Variants in PRKACA observed in about 807,000 individuals in gnomAD.
The protein encoded by PRKACA is cAMP-dependent protein kinase catalytic subunit alpha.
A neutral mutation model predicts 45.8 loss-of-function variants in PRKACA; 9 were observed. The ratio of observed to expected loss-of-function variants is 0.20; its 90% CI spans 0.12 to 0.34. PRKACA has a LOEUF of 0.34. Ranked by LOEUF, PRKACA falls within the 10% of genes least tolerant of loss-of-function variation. The probability of loss-of-function intolerance (pLI) is 1.00; values close to 1 mark genes in which losing one functional copy is unlikely to be tolerated. For synonymous variants in PRKACA, 160 were observed against 178.6 expected (o/e 0.90, Z 0.83); for missense variants, 238 against 458.6 (o/e 0.52, Z 4.39).
Position 14,093,246 on chromosome 19 carries a change from G to A in PRKACA, c.931-9C>T, listed in dbSNP as rs777613462. 17 of 1,609,638 alleles carry A rather than the reference G, an allele frequency of 1.1e-5. No homozygotes were observed. The highest frequency in any genetic ancestry group is 1.4e-5 in the Non-Finnish European group (16 of 1,178,430). ...ATGAAGGGAGCTTCCACCTGGAGAG[G>A]GATCAAGAATCACCCAGACCTCAGC... On this transcript the variant is annotated splice_polypyrimidine_tract_variant and intron_variant, in intron 9 of 9. Coordinates refer to ENST00000308677, the MANE Select transcript of PRKACA (RefSeq NM_002730.4).
rs564567292 is a variant in PRKACA at position 14,114,701 on chromosome 19, C to T, written c.46+2801G>A. 3.3e-5 allele frequency among the ~76,000 whole-genome samples: 5 copies of T among 152,298 alleles called. No homozygotes were observed. The South Asian group carries it at 1.0e-3, about 32-fold the overall frequency. On this transcript the variant is annotated intron_variant, in intron 1 of 9. Coordinates refer to ENST00000308677, the MANE Select transcript of PRKACA (RefSeq NM_002730.4). ...CGCTGCTCCCTCTCCATTCTTCCAA[C>T]TTGGCCAGAGCCTGGGCCTTAGTCT...
chr19:14,093,742 G>A lies in PRKACA; in HGVS notation c.816C>T (p.Asn272=). Residue 272 remains asparagine (N), a synonymous_variant, in exon 9 of 10, where the codon AAC becomes AAT. Transcript: ENST00000308677. ...FSSDLKDLLR[N]LLQVDLTKRF... ...GCTTGGTGAGATCTACCTGCAGGAGGTTCCGCAGCAGGTCCTTCAAGTCAG... is the reference window on the plus strand; with the variant it reads ...GCTTGGTGAGATCTACCTGCAGGAGATTCCGCAGCAGGTCCTTCAAGTCAG... The A allele has an allele frequency of 6.2e-7, 1 of 1,614,076 alleles. No homozygotes were observed. Among genetic ancestry groups the A allele is most frequent in the Middle Eastern group, 1.6e-4 (1 of 6,062 alleles).
chr19:14,100,128 C>A (rs1405995414), intron 5 of PRKACA, among the ~76,000 whole-genome samples: 4 of 151,786 alleles, frequency 2.6e-5, no homozygotes, highest in Admixed American at 1.3e-4. Flanking sequence ...CAGGCACGAG[C>A]CACTGCGCCC....
At position 14,100,902 on chromosome 19, in the gene PRKACA, A is replaced by C; in HGVS notation, c.343T>G (p.Ser115Ala). 2 of 1,613,868 alleles carry C rather than the reference A, an allele frequency of 1.2e-6. No homozygotes were observed. Among genetic ancestry groups the C allele is most frequent in the Non-Finnish European group, 1.7e-6 (2 of 1,179,826 alleles). ...TACTCCATGACCATGTATAAGTTTG[A>C]GTTGTCCTGTGGGAAGCAGTGGCTG... ...VKLEFSFKDNSNLYMVMEYVP... is the reference protein window; with the variant it reads ...VKLEFSFKDNANLYMVMEYVP... The change falls in exon 5 of 10, where the codon TCA (serine) becomes GCA (alanine). Residue 115 changes from serine (S) to alanine (A), a missense_variant. Ser to Ala is a moderately conservative substitution (Grantham distance 99). Around this residue, in one of 3 missense-constraint regions of PRKACA, gnomAD observed 93 missense variants for 149.1 expected, o/e 0.62. Coordinates refer to ENST00000308677, the MANE Select transcript of PRKACA (RefSeq NM_002730.4).
chr19:14,098,509 T>C (rs1381836225), intron 5 of PRKACA: 1 of 151,544 alleles, frequency 6.6e-6, no homozygotes, highest in African/African-American at 2.4e-5. Context: ...ATTAATTTAT[T>C]TTTTTTAAGA....
At chr19:14,108,554 C>A (rs537185616) in intron 1 of PRKACA, among the ~76,000 whole-genome samples, 5 of 151,672 alleles carry the variant, frequency 3.3e-5, no homozygotes, top group African/African-American at 1.2e-4. Flanking sequence ...ACTACAGACG[C>A]CTGCCACCAC....
Position 14,097,204 on chromosome 19 carries a change from G to C in PRKACA, c.765+157C>G. 8.7e-7 allele frequency: 1 copy of C among 1,143,152 alleles called. No homozygotes were observed. Among genetic ancestry groups the C allele is most frequent in the Non-Finnish European group, 1.3e-6 (1 of 794,188 alleles). The allele number at this position is 1,143,152 out of a possible 1,614,324, so 70.8% of individuals were successfully genotyped here. ...GACAGCAAGGGGGCTTGAGGTGTTGGCCTCAGTGTGGCCGGCGCGTCCAGC... is the reference window on the plus strand; with the variant it reads ...GACAGCAAGGGGGCTTGAGGTGTTGCCCTCAGTGTGGCCGGCGCGTCCAGC... On this transcript the variant is annotated intron_variant, in intron 8 of 9. Transcript: ENST00000308677. The surrounding 1 kb of genome is among the most constrained non-coding windows in gnomAD (Gnocchi z 5.4).
chr19:14,115,354 G>A (rs1389786111), intron 1 of PRKACA, among the ~76,000 whole-genome samples: 2 of 152,202 alleles, frequency 1.3e-5, no homozygotes, highest in African/African-American at 4.8e-5. Flanking sequence ...AAGAAAATAT[G>A]ATAGAGTAAA....
intron 1 of PRKACA, chr19:14,114,177 C>G: frequency 3.1e-6 from 5 of 1,609,530 alleles, no homozygotes; most frequent in Non-Finnish European, 3.4e-6. Context: ...GTTCTCAGGG[C>G]ACCGGCACTA....
chr19:14,097,177 T>C lies in PRKACA; in HGVS notation c.765+184A>G. 1.1e-6 allele frequency: 1 copy of C among 885,278 alleles called. No individual in the cohort carries two copies. The allele number at this position is 885,278 out of a possible 1,614,324, so 54.8% of individuals were successfully genotyped here. A position where few individuals can be genotyped will look rare whatever the true frequency, so the allele number is the denominator to read the frequency against. On this transcript the variant is annotated intron_variant, in intron 8 of 9. Transcript: ENST00000308677. This position sits in a 1 kb window ranked among gnomAD's most constrained non-coding sequence, Gnocchi z 5.4. ...GATTCTGGAACCGCGGGGTTGGGGCTGGACAGCAAGGGGGCTTGAGGTGTT... is the reference window on the plus strand; with the variant it reads ...GATTCTGGAACCGCGGGGTTGGGGCCGGACAGCAAGGGGGCTTGAGGTGTT...
intron 1 of PRKACA, chr19:14,107,769 T>C (rs1381980352): frequency 2.9e-6 from 3 of 1,030,118 alleles, no homozygotes; most frequent in Non-Finnish European, 3.5e-6. Flanking sequence ...GGGATTTGGC[T>C]GTTCCTCTGG....
intron 1 of PRKACA, chr19:14,108,104 G>C (rs903625338): frequency 3.0e-6 from 3 of 985,376 alleles, no homozygotes; most frequent in Non-Finnish European, 3.6e-6. Context: ...TAACAACCCA[G>C]GAAACAGGCT....
Position 14,117,504 on chromosome 19 carries a change from C to A in PRKACA, c.44G>T (p.Ser15Ile). The A allele has an allele frequency of 8.1e-7, 1 of 1,240,520 alleles. No individual in the cohort carries two copies. Among genetic ancestry groups the A allele is most frequent in the Non-Finnish European group, 1.0e-6 (1 of 987,380 alleles). 76.8% of individuals were successfully genotyped at this position (1,240,520 alleles called of 1,614,324 possible). A position where few individuals can be genotyped will look rare whatever the true frequency, so the allele number is the denominator to read the frequency against. ...GGGGTCACAGCCCGGGCACTCACCG[C>A]TCTCCTGCTCGCTGCCCTTCTTGGC... is the stretch of plus-strand genomic sequence containing the variant. ...AAAKKGSEQESVKEFLAKAKE... is the reference protein window; with the variant it reads ...AAAKKGSEQEIVKEFLAKAKE... Residue 15 changes from serine (S) to isoleucine (I), a missense_variant and splice_region_variant, in exon 1 of 10, where the codon AGC (serine) becomes ATC (isoleucine). By Grantham distance (142) the Ser-to-Ile change is moderately radical. Around this residue, in one of 3 missense-constraint regions of PRKACA, gnomAD observed 93 missense variants for 149.1 expected, o/e 0.62. Coordinates refer to ENST00000308677, the MANE Select transcript of PRKACA (RefSeq NM_002730.4).
chr19:14,110,195 G>A (rs906137482), intron 1 of PRKACA, among the ~76,000 whole-genome samples: 2 of 151,180 alleles, frequency 1.3e-5, no homozygotes, highest in African/African-American at 2.4e-5. Flanking sequence ...GCCCATGCCC[G>A]CAGTTTCAGC....
intron 1 of PRKACA, among the ~76,000 whole-genome samples, chr19:14,109,644 A>T (rs1977714859): frequency 6.7e-6 from 1 of 149,288 alleles, no homozygotes; most frequent in Non-Finnish European, 1.5e-5. Flanking sequence ...AAGAAAAGAA[A>T]ATATGGGGAG....
intron 1 of PRKACA, among the ~76,000 whole-genome samples, chr19:14,111,834 G>A (rs182662708): frequency 6.6e-6 from 1 of 152,288 alleles, no homozygotes; most frequent in East Asian, 1.9e-4. Context: ...GGTGGAGGGT[G>A]CCCTCTTGGG....
chr19:14,112,996 C>T (rs1185526871), intron 1 of PRKACA, among the ~76,000 whole-genome samples: 3 of 152,218 alleles, frequency 2.0e-5, no homozygotes, highest in Admixed American at 6.5e-5. Flanking sequence ...ACCCTGCCTC[C>T]TCCCCTGAAC....
intron 1 of PRKACA, among the ~76,000 whole-genome samples, chr19:14,113,467 A>G (rs1967029028): frequency 6.6e-6 from 1 of 151,966 alleles, no homozygotes; most frequent in South Asian, 2.1e-4. Context: ...ACTCCTTGAC[A>G]CCCCTTGAAA....
rs1455126829 is a variant in PRKACA, at chr19:14,097,585, C to T, written c.636G>A (p.Leu212=). The part of the protein sequence containing the change: ...TPEYLAPEII[L]SKGYNKAVDW... ...GGGCTGGGGAGGCTCCTACTTTGCTCAGGATAATCTCAGGGGCCAGGTACT... is the reference window on the plus strand; with the variant it reads ...GGGCTGGGGAGGCTCCTACTTTGCTTAGGATAATCTCAGGGGCCAGGTACT... The change falls in exon 7 of 10, where the codon CTG becomes CTA. Residue 212 remains leucine, a synonymous_variant. Coordinates refer to ENST00000308677, the MANE Select transcript of PRKACA (RefSeq NM_002730.4). The surrounding 1 kb of genome is among the most constrained non-coding windows in gnomAD (Gnocchi z 5.4). 2 of 1,613,346 alleles carry T rather than the reference C, an allele frequency of 1.2e-6. No homozygotes were observed. Among genetic ancestry groups the T allele is most frequent in the East Asian group, 2.2e-5 (1 of 44,876 alleles).
Sources: allele counts gnomAD v4.1 joint callset (sites outside exome capture counted in the v4.1 genomes callset), GRCh38; gene constraint gnomAD v4.1.1; regional missense constraint gnomAD v4.1.1; non-coding constraint Gnocchi (gnomAD v3.1); transcripts MANE v1.5; gene names NCBI Gene and HGNC (gene_info 2026-07-23, HGNC 2026-07-21).